Variants in NAALADL2 observed in about 807,000 individuals in gnomAD.
NAALADL2 encodes N-acetylated alpha-linked acidic dipeptidase like 2, also known as inactive N-acetylated-alpha-linked acidic dipeptidase-like protein 2.
In NAALADL2, 76 loss-of-function variants were observed where a neutral mutation model predicts 87.2. The observed-to-expected ratio is 0.87, with a 90% CI of 0.72 to 1.05. The LOEUF is 1.05. Among genes scored for constraint, NAALADL2 ranks in the 50% least tolerant of loss-of-function variants. NAALADL2 has a pLI of 0.00. For synonymous variants in NAALADL2, 354 were observed against 331.0 expected (o/e 1.07, Z -0.75); for missense variants, 1,089 against 945.8 (o/e 1.15, Z -1.99).
chr3:175,205,540 G>A (rs1359213339), intron 2 of NAALADL2, among the ~76,000 whole-genome samples: 1 of 152,066 alleles, frequency 6.6e-6, no homozygotes, highest in Non-Finnish European at 1.5e-5. Context: ...GCTTAGGCAA[G>A]GATTTCATGA....
chr3:174,923,080 G>T (rs901826883), intron 1 of NAALADL2, among the ~76,000 whole-genome samples: 1 of 152,174 alleles, frequency 6.6e-6, no homozygotes, highest in African/African-American at 2.4e-5. Context: ...CCTTGGGAAA[G>T]TGGTTGATTC....
At chr3:174,998,993 A>G (rs1350269360) in intron 1 of NAALADL2, among the ~76,000 whole-genome samples, 2 of 152,188 alleles carry the variant, frequency 1.3e-5, no homozygotes, top group Non-Finnish European at 2.9e-5. Flanking sequence ...CCTGCCTGAG[A>G]AATATAAAGA....
intron 2 of NAALADL2, among the ~76,000 whole-genome samples, chr3:175,170,981 T>C (rs982901946): frequency 6.6e-6 from 1 of 151,974 alleles, no homozygotes; most frequent in Non-Finnish European, 1.5e-5. Flanking sequence ...TTTAGACTTT[T>C]TTCTCATTCA....
chr3:175,624,341 T>C (rs1207305459), intron 10 of NAALADL2, among the ~76,000 whole-genome samples: 1 of 152,064 alleles, frequency 6.6e-6, no homozygotes, highest in African/African-American at 2.4e-5. Context: ...GATTCTTCTT[T>C]TTAGAATAAC....
In NAALADL2 at chr3:175,006,238, G is replaced by T. The variant is rs561707744; in HGVS notation, c.44-90552G>T. ...CATTCTGATAATTATCTCCTCTGTC[G>T]TCTGGCACTTTCACCACTCTCACAA... On this transcript the variant is annotated intron_variant, in intron 1 of 13. Transcript: ENST00000454872. Among the ~76,000 whole-genome samples, 3 of 152,206 alleles carry T rather than the reference G, an allele frequency of 2.0e-5. No individual in the cohort carries two copies. In the East Asian group the frequency reaches 5.8e-4, roughly 29 times the overall value.
chr3:174,856,001 TATGAGAGAGAGAAGTAA>T (rs1725830635), upstream of NAALADL2, among the ~76,000 whole-genome samples: 1 of 137,644 alleles, frequency 7.3e-6, no homozygotes, highest in Admixed American at 7.5e-5. Context: ...TATATATATA[TATGAGAGAGAGAAGTAA>T]GAGAGAGAGA....
chr3:174,786,794 A>G (rs1716733318), intron 3 of NAALADL2, among the ~76,000 whole-genome samples: 3 of 152,098 alleles, frequency 2.0e-5, no homozygotes, highest in Non-Finnish European at 4.4e-5. Flanking sequence ...CTGTGATAGT[A>G]ATAAAGACCA....
intron 11 of NAALADL2, among the ~76,000 whole-genome samples, chr3:175,670,549 C>A (rs369560359): frequency 3.0e-3 from 15 of 5,046 alleles, no homozygotes; most frequent in South Asian, 7.4e-3. Context: ...TATTATTTTA[C>A]ATTATATTAA....
At chr3:174,956,693 G>A (rs1741199009) in intron 1 of NAALADL2, among the ~76,000 whole-genome samples, 2 of 151,992 alleles carry the variant, frequency 1.3e-5, no homozygotes, top group Non-Finnish European at 2.9e-5. Context: ...CTTTGGGCCT[G>A]CCAGTTCTGG....
At chr3:174,487,627 G>A (rs552791719) in intron 1 of NAALADL2, among the ~76,000 whole-genome samples, 2 of 152,012 alleles carry the variant, frequency 1.3e-5, no homozygotes, top group South Asian at 4.2e-4. Flanking sequence ...GGTAGATGAG[G>A]GAGGCATTCC....
chr3:175,079,138 G>A (rs1717232181), intron 1 of NAALADL2, among the ~76,000 whole-genome samples: 1 of 152,074 alleles, frequency 6.6e-6, no homozygotes, highest in African/African-American at 2.4e-5. Flanking sequence ...AGTGTGAATT[G>A]GTTTTTTATT....
At position 175,441,220 on chromosome 3, in the gene NAALADL2, G is replaced by A. The variant is rs545494884; in HGVS notation, c.1091-6009G>A. Among the ~76,000 whole-genome samples the A allele has an allele frequency of 5.3e-5, 8 of 152,138 alleles. No homozygotes were observed. The South Asian group carries it at 1.7e-3, about 32-fold the overall frequency. On this transcript the variant is annotated intron_variant, in intron 5 of 13. Coordinates refer to ENST00000454872, the MANE Select transcript of NAALADL2 (RefSeq NM_207015.3). The stretch of plus-strand genomic sequence containing the variant: ...AAAAAATCCCACAAAGTTCCAAAAA[G>A]CAAAACTTGAATTTTCTCCGTGATG...
intron 9 of NAALADL2, among the ~76,000 whole-genome samples, chr3:175,505,260 T>C (rs1382861559): frequency 7.8e-6 from 1 of 127,498 alleles, no homozygotes; most frequent in Non-Finnish European, 1.6e-5. Context: ...CAAGACCCTG[T>C]CTCGAGAAAA....
At chr3:174,459,582 A>T (rs1173040192) in intron 1 of NAALADL2, 1 of 152,186 alleles carries the variant, frequency 6.6e-6, no homozygotes, top group African/African-American at 2.4e-5. Context: ...TTTTAGCTCG[A>T]TTGTAGAATT....
chr3:175,001,717 G>A (rs943644379), intron 1 of NAALADL2, among the ~76,000 whole-genome samples: 4 of 151,232 alleles, frequency 2.6e-5, no homozygotes, highest in East Asian at 1.9e-4. Flanking sequence ...ATTATTCCAC[G>A]TGAAAAAAAA....
chr3:174,909,163 C>T (rs1435922667), intron 1 of NAALADL2, among the ~76,000 whole-genome samples: 1 of 151,970 alleles, frequency 6.6e-6, no homozygotes, highest in Admixed American at 6.6e-5. Flanking sequence ...CCCAGGCAGG[C>T]GGATCACCTC....
At chr3:174,696,704 T>C (rs866287911) in intron 2 of NAALADL2, among the ~76,000 whole-genome samples, 14 of 152,086 alleles carry the variant, frequency 9.2e-5, no homozygotes, top group African/African-American at 3.1e-4. Flanking sequence ...TGTATGCATT[T>C]TTTGCTTTAA....
At chr3:174,937,081 A>G (rs1055312074) in intron 1 of NAALADL2, among the ~76,000 whole-genome samples, 3 of 152,102 alleles carry the variant, frequency 2.0e-5, no homozygotes, top group Non-Finnish European at 2.9e-5. Flanking sequence ...TACCTGCCCA[A>G]ACATTTTATC....
chr3:175,452,902 G>A (rs988698808), intron 6 of NAALADL2, among the ~76,000 whole-genome samples: 1 of 152,084 alleles, frequency 6.6e-6, no homozygotes, highest in African/African-American at 2.4e-5. Context: ...CTGTTTCCTG[G>A]GGAGTGCAGG....
Sources: allele counts gnomAD v4.1 joint callset (sites outside exome capture counted in the v4.1 genomes callset), GRCh38; gene constraint gnomAD v4.1.1; transcripts MANE v1.5; gene names NCBI Gene and HGNC (gene_info 2026-07-23, HGNC 2026-07-21).